PIAS1: variants seen among roughly 807,000 people sequenced by gnomAD.
PIAS1 encodes the protein E3 SUMO-protein ligase PIAS1.
A neutral mutation model predicts 71.3 loss-of-function variants in PIAS1; 6 were observed. That is an observed-to-expected ratio of 0.08 (90% confidence interval 0.05 to 0.17). The LOEUF (loss-of-function observed/expected upper bound fraction) is 0.17, where lower values mean the gene tolerates loss of function less well. Among genes scored for constraint, PIAS1 ranks in the 10% least tolerant of loss-of-function variants. PIAS1 has a pLI of 1.00. For synonymous variants in PIAS1, 303 were observed against 292.9 expected (o/e 1.03, Z -0.35); for missense variants, 555 against 793.6 (o/e 0.70, Z 3.61).
intron 8 of PIAS1, among the ~76,000 whole-genome samples, chr15:68,165,061 T>G (rs1402995108): frequency 6.6e-6 from 1 of 152,198 alleles, no homozygotes; most frequent in Non-Finnish European, 1.5e-5. Flanking sequence ...GTGTAAAATC[T>G]CAAAATAAGA....
rs1000747383 is a variant in PIAS1 at position 68,181,310 on chromosome 15, A to G, written c.1580A>G (p.Tyr527Cys). ...ATTAATACCTCCCTCATCCAAGACT[A>G]TAGGCATCCTTTCCACATGACACCC... Reference protein sequence around the residue: ...SYINTSLIQDYRHPFHMTPMP... With the variant: ...SYINTSLIQDCRHPFHMTPMP... The change falls in exon 12 of 14, where the codon TAT becomes TGT. Residue 527 changes from tyrosine (Y) to cysteine (C), a missense_variant. This residue lies in a region of PIAS1 where 244 missense variants were observed against 307.5 expected (regional missense o/e 0.79). Coordinates refer to ENST00000249636, the MANE Select transcript of PIAS1 (RefSeq NM_016166.3). 3.1e-6 allele frequency: 5 copies of G among 1,613,660 alleles called. No individual in the cohort carries two copies. In the African/African-American group the frequency reaches 5.3e-5, roughly 17 times the overall value.
intron 2 of PIAS1, among the ~76,000 whole-genome samples, chr15:68,103,297 T>G (rs938092747): frequency 6.6e-6 from 1 of 151,276 alleles, no homozygotes; most frequent in Non-Finnish European, 1.5e-5. Flanking sequence ...GTTTAGGCTT[T>G]TGCCCTTGAA....
At position 68,054,344 on chromosome 15, in the gene PIAS1, A is replaced by C; in HGVS notation, c.18A>C (p.Glu6Asp). 1 of 1,577,600 alleles carries C rather than the reference A, an allele frequency of 6.3e-7. No individual in the cohort carries two copies. The highest frequency in any genetic ancestry group is 8.6e-7 in the Non-Finnish European group (1 of 1,162,420). The change falls in exon 1 of 14, where the codon GAA becomes GAC. Residue 6 changes from glutamate (E) to aspartate (D), a missense_variant. Physicochemically the swap from Glu to Asp is conservative, Grantham distance 45. Coordinates refer to ENST00000249636, the MANE Select transcript of PIAS1 (RefSeq NM_016166.3). The surrounding 1 kb of genome is among the most constrained non-coding windows in gnomAD (Gnocchi z 4.6). ...GACGCAAGATGGCGGACAGTGCGGA[A>C]CTAAAGGTAAAGCGCAGCTCGAATT... MADSA[E>D]LKQMVMSLRV...
chr15:68,176,627 C>A lies in PIAS1; in HGVS notation c.1454C>A (p.Ser485Tyr). 6.2e-7 allele frequency: 1 copy of A among 1,602,812 alleles called. No individual in the cohort carries two copies. The highest frequency in any genetic ancestry group is 8.5e-7 in the Non-Finnish European group (1 of 1,175,410). ...GCCAAGAGGACCTGTCCTTCCCTAT[C>A]TCCCACATCACCACTAAATAATAAA... is the stretch of plus-strand genomic sequence containing the variant. The part of the protein sequence containing the change: ...PSAKRTCPSL[S>Y]PTSPLNNKGI... Residue 485 changes from serine (S) to tyrosine (Y), a missense_variant, in exon 11 of 14, where the codon TCT (serine) becomes TAT (tyrosine). Ser to Tyr is a moderately radical substitution (Grantham distance 144). This residue lies in a region of PIAS1 where 244 missense variants were observed against 307.5 expected (regional missense o/e 0.79). Coordinates refer to ENST00000249636, the MANE Select transcript of PIAS1 (RefSeq NM_016166.3).
At chr15:68,109,284 A>G (rs1339463452) in intron 2 of PIAS1, among the ~76,000 whole-genome samples, 3 of 152,108 alleles carry the variant, frequency 2.0e-5, no homozygotes, top group African/African-American at 7.2e-5. Flanking sequence ...ATTCTTTCCA[A>G]TTCCCATTAC....
Position 68,187,700 on chromosome 15 carries a change from C to T in PIAS1, c.1821C>T (p.Ser607=). 2 of 1,613,986 alleles carry T rather than the reference C, an allele frequency of 1.2e-6. No homozygotes were observed. Among genetic ancestry groups the T allele is most frequent in the South Asian group, 1.1e-5 (1 of 91,078 alleles). Reference sequence around the variant, plus strand: ...CTTCTCTGCCAACCACCAATGGAAGCAGTAGTGGCAGTAACAGCAGCCTGG... The same window carrying T: ...CTTCTCTGCCAACCACCAATGGAAGTAGTAGTGGCAGTAACAGCAGCCTGG... ...GSTSLPTTNG[S]SSGSNSSLVS... is the part of the protein sequence containing the mutation. Residue 607 remains serine, a synonymous_variant, in exon 14 of 14, where the codon AGC becomes AGT. Transcript: ENST00000249636. This position sits in a 1 kb window ranked among gnomAD's most constrained non-coding sequence, Gnocchi z 5.3.
At chr15:68,106,574 T>G (rs759303102) in intron 2 of PIAS1, among the ~76,000 whole-genome samples, 1 of 152,114 alleles carries the variant, frequency 6.6e-6, no homozygotes. Flanking sequence ...CTCCCAGTTG[T>G]CTCTCTTCAT....
intron 2 of PIAS1, among the ~76,000 whole-genome samples, chr15:68,119,267 A>G (rs12906072): frequency 7.6e-6 from 1 of 130,768 alleles, no homozygotes; most frequent in Non-Finnish European, 1.7e-5. Context: ...AAAAAAAAGT[A>G]TATATATATG....
intron 1 of PIAS1, among the ~76,000 whole-genome samples, chr15:68,072,867 T>G (rs974765877): frequency 6.6e-6 from 1 of 152,214 alleles, no homozygotes; most frequent in African/African-American, 2.4e-5. Context: ...TCTCATTCTT[T>G]GTAGGATTAA....
chr15:68,061,229 A>G (rs539698465), intron 1 of PIAS1, among the ~76,000 whole-genome samples: 241 of 152,374 alleles, frequency 1.6e-3, no homozygotes, highest in African/African-American at 5.4e-3. Context: ...TCTTTGAAAT[A>G]GGCAGTAGAG....
At chr15:68,068,791 A>G (rs535187585) in intron 1 of PIAS1, among the ~76,000 whole-genome samples, 5 of 151,846 alleles carry the variant, frequency 3.3e-5, no homozygotes, top group Admixed American at 2.0e-4. Flanking sequence ...TTATGTGTCA[A>G]TGCTCTCATC....
rs1157908833 is a variant in PIAS1, at chr15:68,054,463, C to T, written c.24+113C>T. ...CCTCTCGGGCCTGACTCCACCCGGGCCTGGAGTTGTAGGGAGAGAGGCGCG... is the reference window on the plus strand; with the variant it reads ...CCTCTCGGGCCTGACTCCACCCGGGTCTGGAGTTGTAGGGAGAGAGGCGCG... On this transcript the variant is annotated intron_variant, in intron 1 of 13. Transcript: ENST00000249636. The surrounding 1 kb of genome is among the most constrained non-coding windows in gnomAD (Gnocchi z 4.6). 8.4e-7 allele frequency: 1 copy of T among 1,192,638 alleles called. No homozygotes were observed. Among genetic ancestry groups the T allele is most frequent in the African/African-American group, 1.6e-5 (1 of 64,364 alleles). 73.9% of individuals were successfully genotyped at this position (1,192,638 alleles called of 1,614,324 possible).
At chr15:68,121,037 A>G (rs1189022575) in intron 2 of PIAS1, among the ~76,000 whole-genome samples, 1 of 152,148 alleles carries the variant, frequency 6.6e-6, no homozygotes, top group Non-Finnish European at 1.5e-5. Context: ...CTTTATATTT[A>G]TCGATGTTGT....
intron 1 of PIAS1, among the ~76,000 whole-genome samples, chr15:68,073,996 G>A (rs781363506): frequency 9.9e-5 from 15 of 152,194 alleles, no homozygotes; most frequent in South Asian, 2.1e-4. Context: ...AGAAGATGGT[G>A]TAGCAGCTTC....
chr15:68,101,353 T>A (rs113440519), intron 2 of PIAS1, among the ~76,000 whole-genome samples: 4,075 of 149,998 alleles, frequency 0.027, 133 homozygotes, highest in African/African-American at 0.075. Flanking sequence ...TTTTTTAACT[T>A]ATGAGTTTTC....
At chr15:68,065,139 CG>C (rs767878798) in intron 1 of PIAS1, among the ~76,000 whole-genome samples, 2 of 151,594 alleles carry the variant, frequency 1.3e-5, no homozygotes, top group East Asian at 3.9e-4. Context: ...AGTTTTTTTG[CG>C]GGGGGGATGG....
At chr15:68,106,820 A>G (rs1286692741) in intron 2 of PIAS1, among the ~76,000 whole-genome samples, 3 of 152,192 alleles carry the variant, frequency 2.0e-5, no homozygotes, top group South Asian at 2.1e-4. Flanking sequence ...TTCTTAATCG[A>G]TTACAATAGT....
At chr15:68,104,655 T>A (rs567325955) in intron 2 of PIAS1, among the ~76,000 whole-genome samples, 1 of 152,252 alleles carries the variant, frequency 6.6e-6, no homozygotes, top group East Asian at 1.9e-4. Context: ...TAATAAGAAT[T>A]TATTATGTAT....
chr15:68,117,249 G>A (rs2092573012), intron 2 of PIAS1, among the ~76,000 whole-genome samples: 1 of 151,936 alleles, frequency 6.6e-6, no homozygotes, highest in South Asian at 2.1e-4. Context: ...CACCACACCT[G>A]GCTAATTTGT....
Sources: allele counts gnomAD v4.1 joint callset (sites outside exome capture counted in the v4.1 genomes callset), GRCh38; gene constraint gnomAD v4.1.1; regional missense constraint gnomAD v4.1.1; non-coding constraint Gnocchi (gnomAD v3.1); transcripts MANE v1.5; gene names NCBI Gene and HGNC (gene_info 2026-07-23, HGNC 2026-07-21).